Variants in TLE2 observed in about 807,000 individuals in gnomAD.
The protein encoded by TLE2 is transducin-like enhancer protein 2.
A neutral mutation model predicts 97.2 loss-of-function variants in TLE2; 74 were observed. That is an observed-to-expected ratio of 0.76 (90% CI 0.63 to 0.92). The LOEUF (loss-of-function observed/expected upper bound fraction) is 0.92, where lower values mean the gene tolerates loss of function less well. Among genes scored for constraint, TLE2 ranks in the 40% least tolerant of loss-of-function variants. The pLI is 0.00. For synonymous variants in TLE2, 499 were observed against 432.1 expected, an observed-to-expected ratio of 1.15 and a Z score of -1.92; for missense variants, 1,038 against 1,008.7, an observed-to-expected ratio of 1.03 and a Z score of -0.39.
rs749556181 is a variant in TLE2 at position 3,005,623 on chromosome 19, G to C, written c.1749-39C>G. The stretch of plus-strand genomic sequence containing the variant: ...GGCCCAGGCGTCCATCCTGGAATTC[G>C]AGCTGCCCCAGCATCGTCCCAGGTC... On this transcript the variant is annotated intron_variant, in intron 16 of 19. Coordinates refer to ENST00000262953, the MANE Select transcript of TLE2 (RefSeq NM_003260.5). The C allele has an allele frequency of 1.2e-5, 19 of 1,611,118 alleles. No homozygotes were observed. In the East Asian group the frequency reaches 3.8e-4, roughly 32 times the overall value.
At chr19:3,007,929 A>G (rs1379020568) in intron 14 of TLE2, among the ~76,000 whole-genome samples, 3 of 152,118 alleles carry the variant, frequency 2.0e-5, no homozygotes, top group Non-Finnish European at 2.9e-5. Context: ...TACTAAAAAT[A>G]CAAAAATTAG....
intron 11 of TLE2, 128 bp downstream of exon 11, chr19:3,013,541 G>A: frequency 1.1e-6 from 1 of 923,572 alleles, no homozygotes; most frequent in South Asian, 5.7e-5. Context: ...AAAGCACAGG[G>A]AAAGGGTGGA....
At chr19:3,041,013 ATTTTT>A (rs1168699418) in intron 1 of TLE2, among the ~76,000 whole-genome samples, 156 of 28,756 alleles carry the variant, frequency 5.4e-3, no homozygotes, top group East Asian at 0.044. Flanking sequence ...ATATATATAT[ATTTTT>A]TTTTTTTTTT....
At position 3,019,191 on chromosome 19, in the gene TLE2, T is replaced by TC; in HGVS notation, c.550+91dup. 1.3e-6 allele frequency: 2 copies of TC among 1,483,820 alleles called. No homozygotes were observed. The highest frequency in any genetic ancestry group is 2.1e-5 in the Admixed American group (1 of 47,552). 91.9% of individuals were successfully genotyped at this position (1,483,820 alleles called of 1,614,324 possible). A position where few individuals can be genotyped will look rare whatever the true frequency, so the allele number is the denominator to read the frequency against. ...GGGATTATAGGCATGAGCCACTTCA[T>TC]CCCCTCACGCTGATGTTTGCTACCC... On this transcript the variant is annotated intron_variant, in intron 7 of 19. Coordinates refer to ENST00000262953, the MANE Select transcript of TLE2 (RefSeq NM_003260.5). This position sits in a 1 kb window ranked among gnomAD's most constrained non-coding sequence, Gnocchi z 5.1.
At chr19:3,008,513 C>T (rs934806514) in intron 14 of TLE2, among the ~76,000 whole-genome samples, 4 of 151,302 alleles carry the variant, frequency 2.6e-5, no homozygotes, top group Non-Finnish European at 5.9e-5. Context: ...TGCAATGGCA[C>T]GGTCTCAGCT....
upstream of TLE2, among the ~76,000 whole-genome samples, chr19:3,033,137 C>G (rs1192496970): frequency 2.0e-5 from 3 of 151,624 alleles, no homozygotes; most frequent in Non-Finnish European, 4.4e-5. Flanking sequence ...CTCAGCTTCT[C>G]GAGCAGCTGG....
chr19:3,005,355 G>A (rs1479192014), intron 17 of TLE2, 82 bp downstream of exon 17: 3 of 1,534,096 alleles, frequency 2.0e-6, no homozygotes, highest in African/African-American at 2.7e-5. Flanking sequence ...TCCTGCCTCT[G>A]GAAGTGGGCA....
At chr19:3,023,142 C>G (rs915192285) in intron 5 of TLE2, among the ~76,000 whole-genome samples, 11 of 151,768 alleles carry the variant, frequency 7.2e-5, no homozygotes, top group African/African-American at 1.5e-4. Context: ...GCAACCTCCA[C>G]CCCCCGGGTT....
At chr19:3,006,907 C>A (rs542687176) in intron 14 of TLE2, among the ~76,000 whole-genome samples, 2 of 152,094 alleles carry the variant, frequency 1.3e-5, no homozygotes, top group Non-Finnish European at 2.9e-5. Flanking sequence ...CTCAACCTCC[C>A]GAGTAGCTGG....
chr19:3,008,804 A>G, intron 14 of TLE2, 65 bp downstream of exon 14: 3 of 1,320,968 alleles, frequency 2.3e-6, no homozygotes, highest in Non-Finnish European at 3.1e-6. Flanking sequence ...ACAGAGGGTA[A>G]GACCTCAGAG....
At chr19:3,006,060 G>A (rs2089468491) in intron 15 of TLE2, 92 bp from the exon 16 acceptor site, 1 of 1,467,924 alleles carries the variant, frequency 6.8e-7, no homozygotes, top group Non-Finnish European at 9.5e-7. Flanking sequence ...GGAGCCCAAT[G>A]TAGCCTCATC....
At chr19:3,011,208 G>A (rs1438916509) in intron 11 of TLE2, 48 bp from the exon 12 acceptor site, 1 of 1,522,818 alleles carries the variant, frequency 6.6e-7, no homozygotes, top group Non-Finnish European at 8.8e-7. Flanking sequence ...CTGGTGTCTT[G>A]TGGCCCAACG....
At chr19:3,023,132 G>A (rs2089878852) in intron 5 of TLE2, among the ~76,000 whole-genome samples, 1 of 150,076 alleles carries the variant, frequency 6.7e-6, no homozygotes, top group Non-Finnish European at 1.5e-5. Flanking sequence ...TCGGCTCACT[G>A]CAACCTCCAC....
Position 3,011,105 on chromosome 19 carries a change from TGG to T in TLE2, c.927_928del (p.Gln310GlyfsTer85). ...GCTGGGCCCGGGGGTGGAAGCGTCC[TGG>T]GGCGGGGAGGAGTCACAGGATTTGG... is the stretch of plus-strand genomic sequence containing the variant. On this transcript the variant is annotated frameshift_variant, in exon 12 of 20. Coordinates refer to ENST00000262953, the MANE Select transcript of TLE2 (RefSeq NM_003260.5). LOFTEE classifies it high-confidence loss of function. 1 of 1,611,026 alleles carries T rather than the reference TGG, an allele frequency of 6.2e-7. No individual in the cohort carries two copies.
intron 2 of TLE2, 52 bp downstream of exon 2, chr19:3,028,654 C>A (rs980429610): frequency 5.6e-6 from 9 of 1,602,430 alleles, no homozygotes; most frequent in Admixed American, 1.7e-5. Flanking sequence ...AGGCCTCGCC[C>A]CGCCCCGGCG....
At chr19:3,040,211 C>T (rs1029902004) in intron 1 of TLE2, among the ~76,000 whole-genome samples, 2 of 152,214 alleles carry the variant, frequency 1.3e-5, no homozygotes, top group African/African-American at 4.8e-5. Context: ...TATCTCCACC[C>T]TCCCTCCTTC....
intron 14 of TLE2, among the ~76,000 whole-genome samples, chr19:3,007,974 CAGG>C (rs1231104576): frequency 6.6e-6 from 1 of 152,098 alleles, no homozygotes; most frequent in Admixed American, 6.6e-5. Flanking sequence ...CCCAGCTACT[CAGG>C]AGGCTGGAGC....
At chr19:3,021,007 T>G (rs532918667) in intron 5 of TLE2, among the ~76,000 whole-genome samples, 6 of 143,470 alleles carry the variant, frequency 4.2e-5, no homozygotes, top group Non-Finnish European at 8.9e-5. Context: ...GAGAATCACT[T>G]GAACCCAAGA....
At chr19:3,025,389 G>A (rs987254629) in intron 4 of TLE2, 8 of 1,180,416 alleles carry the variant, frequency 6.8e-6, no homozygotes, top group East Asian at 4.2e-5. Context: ...GGAGGCAGAC[G>A]CTCAGACACC....
Sources: allele counts gnomAD v4.1 joint callset (sites outside exome capture counted in the v4.1 genomes callset), GRCh38; gene constraint gnomAD v4.1.1; non-coding constraint Gnocchi (gnomAD v3.1); transcripts MANE v1.5; gene names NCBI Gene and HGNC (gene_info 2026-07-23, HGNC 2026-07-21).